NID2: variants seen among roughly 807,000 people sequenced by gnomAD.
The protein encoded by NID2 is nidogen 2.
NID2 carries 83 observed loss-of-function variants against 145.4 expected under a neutral mutation model. The ratio of observed to expected loss-of-function variants is 0.57; its 90% confidence interval spans 0.48 to 0.69. The LOEUF (loss-of-function observed/expected upper bound fraction) is 0.69. Among genes scored for constraint, NID2 ranks in the 30% least tolerant of loss-of-function variants. NID2 has a pLI of 0.00. For missense variants in NID2, 1,807 were observed against 1,765.7 expected (o/e 1.02, Z -0.42); for synonymous variants, 739 against 701.3 (o/e 1.05, Z -0.85).
At chr14:52,042,069 A>G (rs370402668) in intron 7 of NID2, 36 bp downstream of exon 7, 6 of 1,544,176 alleles carry the variant, frequency 3.9e-6, no homozygotes, top group Admixed American at 2.0e-5. Flanking sequence ...TGCCAAAGCA[A>G]TGCTGACTAC....
intron 14 of NID2, among the ~76,000 whole-genome samples, chr14:52,018,171 T>C (rs1891281796): frequency 6.6e-6 from 1 of 152,232 alleles, no homozygotes; most frequent in East Asian, 1.9e-4. Flanking sequence ...CCAGTTCTTC[T>C]TACTTTCACA....
intron 17 of NID2, among the ~76,000 whole-genome samples, 173 bp downstream of exon 17, chr14:52,011,381 G>A (rs1028408221): frequency 2.0e-5 from 3 of 152,182 alleles, no homozygotes; most frequent in Admixed American, 1.3e-4. Context: ...CATTCCGTAT[G>A]TATGAAGGTG....
rs772105671 is a variant in NID2 at position 52,053,862 on chromosome 14, T to G, written c.1146A>C (p.Gln382His). The change falls in exon 5 of 22, where the codon CAA becomes CAC. Residue 382 changes from glutamine to histidine, a missense_variant. Physicochemically the swap from Gln to His is conservative, Grantham distance 24. Transcript: ENST00000216286. ...GEVGGPDLKG[Q>H]VEPWDERETR... ...TCTCTCTCTCATCCCAGGGCTCAAC[T>G]TGGCCTTTTAAATCTGGGCCCCCTA... The G allele has an allele frequency of 5.8e-5, 93 of 1,614,076 alleles. 1 individual carries two copies. In the South Asian group the frequency reaches 7.4e-4, roughly 13 times the overall value.
Position 52,042,931 on chromosome 14 carries a change from A to T in NID2, c.1430T>A (p.Val477Asp). 1 of 1,614,008 alleles carries T rather than the reference A, an allele frequency of 6.2e-7. No individual in the cohort carries two copies. Among genetic ancestry groups the T allele is most frequent in the Non-Finnish European group, 8.5e-7 (1 of 1,179,992 alleles). Reference protein sequence around the residue: ...LEDNIGSNTEVFTYNAANKET... With the variant: ...LEDNIGSNTEDFTYNAANKET... Reference sequence around the variant, plus strand: ...CTTGTTGGCAGCATTATACGTGAAGACTGAAAAATAAAACAAACTTGCCTT... The same window carrying T: ...CTTGTTGGCAGCATTATACGTGAAGTCTGAAAAATAAAACAAACTTGCCTT... The change falls in exon 6 of 22, where the codon GTC becomes GAC. Residue 477 changes from valine (V) to aspartate (D), a missense_variant and splice_region_variant. By Grantham distance (152) the Val-to-Asp change is radical. Coordinates refer to ENST00000216286, the MANE Select transcript of NID2 (RefSeq NM_007361.4).
At chr14:52,031,892 G>A (rs1211223217) in intron 9 of NID2, among the ~76,000 whole-genome samples, 1 of 152,210 alleles carries the variant, frequency 6.6e-6, no homozygotes, top group African/African-American at 2.4e-5. Context: ...CAGGAACCTG[G>A]TCTATACTCT....
chr14:52,057,539 C>T (rs756671018), intron 3 of NID2, among the ~76,000 whole-genome samples: 6 of 151,500 alleles, frequency 4.0e-5, no homozygotes, highest in African/African-American at 1.2e-4. Context: ...CCAGTCTCTA[C>T]GAAAAATACA....
intron 3 of NID2, among the ~76,000 whole-genome samples, chr14:52,056,936 T>A (rs1892865366): frequency 6.6e-6 from 1 of 152,100 alleles, no homozygotes; most frequent in South Asian, 2.1e-4. Flanking sequence ...AGAGGAAGAG[T>A]ATGACAAACA....
At chr14:52,029,812 C>T (rs1302248879) in intron 9 of NID2, 122 bp from the exon 10 acceptor site, 1 of 759,882 alleles carries the variant, frequency 1.3e-6, no homozygotes, top group African/African-American at 1.7e-5. Flanking sequence ...GAAGACCTTA[C>T]TAAATTATCC....
rs1891064305 is a variant in NID2, at chr14:52,012,422, G to A, written c.3421-739C>T. ...AGTTCGAGACTGAGCAACATAGTGA[G>A]ACCCCGTCTAAAAAACAAAAAATAA... On this transcript the variant is annotated intron_variant, in intron 16 of 21. Transcript: ENST00000216286. 4.6e-5 allele frequency among the ~76,000 whole-genome samples: 7 copies of A among 152,142 alleles called. No individual in the cohort carries two copies. The South Asian group carries it at 1.5e-3, about 32-fold the overall frequency.
chr14:52,016,777 T>A (rs1280471526), intron 14 of NID2, among the ~76,000 whole-genome samples: 1 of 152,180 alleles, frequency 6.6e-6, no homozygotes, highest in East Asian at 1.9e-4. Flanking sequence ...TGTCACTCCG[T>A]TCAAAACCCT....
chr14:52,042,408 C>T lies in NID2; in HGVS notation c.1580-58G>A, dbSNP rs561027104. 141 of 1,536,788 alleles carry T rather than the reference C, an allele frequency of 9.2e-5. 1 individual carries two copies. The South Asian group carries it at 1.7e-3, about 19-fold the overall frequency. The stretch of plus-strand genomic sequence containing the variant: ...GTCATCCTGGCTAGAGATGGGTGTA[C>T]CCAGGTATAATTATTCCACTGACAA... On this transcript the variant is annotated intron_variant, in intron 6 of 21. Transcript: ENST00000216286.
At chr14:52,015,589 A>G (rs1891190504) in intron 14 of NID2, among the ~76,000 whole-genome samples, 1 of 152,180 alleles carries the variant, frequency 6.6e-6, no homozygotes, top group Non-Finnish European at 1.5e-5. Flanking sequence ...GGGAAGGGGC[A>G]TGATCTCCTT....
At position 52,019,170 on chromosome 14, in the gene NID2, C is replaced by T. The variant is rs1891316350; in HGVS notation, c.2919G>A (p.Gln973=). The change falls in exon 14 of 22, where the codon CAG becomes CAA. Residue 973 remains glutamine, a synonymous_variant. Transcript: ENST00000216286. ...CDEQGNFLPL[Q]CHGSTGFCWC... is the part of the protein sequence containing the mutation. The stretch of plus-strand genomic sequence containing the variant: ...AGCAGAAACCAGTGCTGCCATGACA[C>T]TGTAGGGGCAGGAAGTTGCCCTGCT... 1 of 1,614,014 alleles carries T rather than the reference C, an allele frequency of 6.2e-7. No homozygotes were observed. The highest frequency in any genetic ancestry group is 1.7e-5 in the Admixed American group (1 of 60,006).
intron 3 of NID2, among the ~76,000 whole-genome samples, chr14:52,055,415 C>T (rs1377515761): frequency 1.3e-5 from 2 of 152,110 alleles, no homozygotes; most frequent in Non-Finnish European, 2.9e-5. Flanking sequence ...TAAAAAAATT[C>T]AAATAAATAC....
At chr14:52,018,584 T>C (rs981963899) in intron 14 of NID2, among the ~76,000 whole-genome samples, 1 of 152,236 alleles carries the variant, frequency 6.6e-6, no homozygotes, top group Non-Finnish European at 1.5e-5. Context: ...CTGGCTCCAC[T>C]AGCAGGTGTT....
chr14:52,017,777 A>G (rs1891264999), intron 14 of NID2, among the ~76,000 whole-genome samples: 1 of 152,062 alleles, frequency 6.6e-6, no homozygotes, highest in Admixed American at 6.5e-5. Flanking sequence ...GGATCAAACC[A>G]TTACCAATTT....
chr14:52,022,021 A>G (rs936457556), intron 12 of NID2, among the ~76,000 whole-genome samples: 2 of 152,220 alleles, frequency 1.3e-5, no homozygotes, highest in Admixed American at 1.3e-4. Flanking sequence ...AAGTACTTCT[A>G]ATGGTAACAG....
intron 14 of NID2, among the ~76,000 whole-genome samples, chr14:52,017,050 AG>A (rs1207193834): frequency 6.6e-6 from 1 of 152,204 alleles, no homozygotes; most frequent in Non-Finnish European, 1.5e-5. Context: ...ATGTGTCTCA[AG>A]GAACACAGAG....
At chr14:52,012,046 A>C in intron 16 of NID2, 1 of 155,594 alleles carries the variant, frequency 6.4e-6, no homozygotes, top group East Asian at 1.9e-4. Flanking sequence ...GATGATTTAA[A>C]AAAAAAAAAA....
Sources: gnomAD v4.1 joint callset for allele counts (sites outside exome capture counted in the v4.1 genomes callset) on GRCh38, gnomAD v4.1.1 for gene constraint, MANE v1.5 for transcripts, NCBI Gene and HGNC (gene_info 2026-07-23, HGNC 2026-07-21) for gene names.